Variants in IFT43 observed in about 807,000 individuals in gnomAD.
The protein encoded by IFT43 is intraflagellar transport 43, also known as intraflagellar transport protein 43 homolog.
Under a neutral mutation model 32.3 loss-of-function variants are expected in IFT43, and 33 were observed. That is an observed-to-expected ratio of 1.02 (90% CI 0.77 to 1.37). The LOEUF (loss-of-function observed/expected upper bound fraction) is 1.37, where lower values mean the gene tolerates loss of function less well. Ranked by LOEUF, IFT43 falls within the 40% of genes most tolerant of loss-of-function variation. IFT43 has a pLI of 0.00. For synonymous variants in IFT43, 93 were observed against 98.2 expected (o/e 0.95, Z 0.31); for missense variants, 274 against 265.9 (o/e 1.03, Z -0.21).
chr14:76,079,892 A>G (rs543031359), intron 5 of IFT43, among the ~76,000 whole-genome samples: 17 of 144,462 alleles, frequency 1.2e-4, no homozygotes, highest in African/African-American at 3.1e-4. Context: ...TCCTAAGTCT[A>G]TTTTCTTTTT....
chr14:76,057,511 G>A (rs955912816), intron 3 of IFT43, among the ~76,000 whole-genome samples: 3 of 151,508 alleles, frequency 2.0e-5, no homozygotes, highest in Non-Finnish European at 4.4e-5. Context: ...AATTACAGGC[G>A]TGAGCCACTG....
intron 5 of IFT43, chr14:76,059,754 T>C: frequency 3.1e-6 from 1 of 327,212 alleles, no homozygotes; most frequent in Non-Finnish European, 5.9e-6. Flanking sequence ...CCAAGCACTG[T>C]CCTTCCAGTT....
At chr14:76,037,929 G>A (rs1324677123) in intron 3 of IFT43, 1 of 152,234 alleles carries the variant, frequency 6.6e-6, no homozygotes, top group East Asian at 1.9e-4. Flanking sequence ...CTGGTAGGAC[G>A]AGGCAGCTCT....
chr14:76,037,684 ATT>A (rs2036626255), intron 3 of IFT43, among the ~76,000 whole-genome samples: 1 of 76,732 alleles, frequency 1.3e-5, no homozygotes, highest in Non-Finnish European at 2.6e-5. Context: ...CTTTTCCCTC[ATT>A]CTCTGTTTTT....
intron 5 of IFT43, chr14:76,076,768 G>A (rs773034166): frequency 6.6e-7 from 1 of 1,516,552 alleles, no homozygotes; most frequent in Admixed American, 1.7e-5. Context: ...GCATTTTAGT[G>A]TGCGCATGTG....
chr14:76,035,259 A>G (rs542627197), intron 3 of IFT43, among the ~76,000 whole-genome samples: 90 of 151,596 alleles, frequency 5.9e-4, no homozygotes, highest in Middle Eastern at 3.4e-3. Flanking sequence ...CTTTCTAACA[A>G]CTCCTCCTGA....
chr14:76,059,771 T>C (rs1201681933), intron 5 of IFT43, among the ~76,000 whole-genome samples: 2 of 152,346 alleles, frequency 1.3e-5, no homozygotes, highest in African/African-American at 2.4e-5. Flanking sequence ...AGTTTACACA[T>C]GTTAAAGCAT....
At chr14:75,988,998 A>C in intron 2 of IFT43, 21 bp downstream of exon 2, 1 of 1,613,072 alleles carries the variant, frequency 6.2e-7, no homozygotes, top group Non-Finnish European at 8.5e-7. Flanking sequence ...AAAAAAAAGA[A>C]AATCTGAAGA....
intron 3 of IFT43, among the ~76,000 whole-genome samples, chr14:76,032,380 A>G (rs1405804076): frequency 6.6e-6 from 1 of 152,316 alleles, no homozygotes; most frequent in South Asian, 2.1e-4. Flanking sequence ...TTTTACTTGT[A>G]TACTCAGAAC....
rs151124512 is a variant in IFT43 at position 76,077,773 on chromosome 14, C to T, written c.296-4522C>T. Among the ~76,000 whole-genome samples the T allele has an allele frequency of 1.7e-3, 264 of 152,314 alleles. 4 individuals carry two copies. In the South Asian group the frequency reaches 0.018, roughly 10 times the overall value. The stretch of plus-strand genomic sequence containing the variant: ...GGGATCTGGCATAGCCCAACCACAA[C>T]GTCCCGCCTTCAGTCTCTCCAGTGT... On this transcript the variant is annotated intron_variant, in intron 5 of 8. Coordinates refer to ENST00000314067, the MANE Select transcript of IFT43 (RefSeq NM_001102564.3).
intron 7 of IFT43, 73 bp from the exon 8 acceptor site, chr14:76,083,154 C>T (rs912102948): frequency 3.7e-5 from 57 of 1,545,268 alleles, no homozygotes; most frequent in African/African-American, 6.8e-5. Flanking sequence ...AAACTGATCC[C>T]GGTTTTGTGA....
chr14:76,020,318 C>A (rs1464183593), intron 2 of IFT43, among the ~76,000 whole-genome samples: 1 of 152,150 alleles, frequency 6.6e-6, no homozygotes, highest in African/African-American at 2.4e-5. Flanking sequence ...CACTGAGTTT[C>A]TTTAATATCA....
chr14:76,083,747 C>T, downstream of IFT43: 1 of 731,696 alleles, frequency 1.4e-6, no homozygotes, highest in Non-Finnish European at 2.4e-6. Flanking sequence ...GTGCCATCTC[C>T]TCCATTTCTT....
chr14:75,998,861 T>G (rs1167302284), intron 2 of IFT43, among the ~76,000 whole-genome samples: 1 of 152,072 alleles, frequency 6.6e-6, no homozygotes, highest in Non-Finnish European at 1.5e-5. Context: ...GCCTGCCGAG[T>G]AACTGGAACT....
chr14:76,080,663 C>T (rs1168154212), intron 5 of IFT43, among the ~76,000 whole-genome samples: 1 of 152,210 alleles, frequency 6.6e-6, no homozygotes, highest in East Asian at 1.9e-4. Context: ...CAGCCAGCTT[C>T]CTCTCTGTCC....
chr14:76,006,214 C>T (rs1440275345), intron 2 of IFT43, among the ~76,000 whole-genome samples: 4 of 152,162 alleles, frequency 2.6e-5, no homozygotes, highest in African/African-American at 9.7e-5. Flanking sequence ...CTGTGCTGAG[C>T]ACTAGGAAAG....
chr14:76,058,171 G>A (rs887734912), intron 3 of IFT43: 6 of 229,856 alleles, frequency 2.6e-5, no homozygotes, highest in Admixed American at 5.2e-5. Context: ...CTCGTCCTTC[G>A]TGTGAAGGGC....
At chr14:76,065,515 G>T (rs962670329) in intron 5 of IFT43, among the ~76,000 whole-genome samples, 7 of 151,950 alleles carry the variant, frequency 4.6e-5, no homozygotes, top group African/African-American at 1.5e-4. Flanking sequence ...TCTCTCCCTT[G>T]GCCTCAGAAA....
rs369750445 is a variant in IFT43 at position 75,990,185 on chromosome 14, G to A, written c.147+1208G>A. On this transcript the variant is annotated intron_variant, in intron 2 of 8. Coordinates refer to ENST00000314067, the MANE Select transcript of IFT43 (RefSeq NM_001102564.3). ...ACCACTACTTAGCCAAAGCTGGTTG[G>A]TGCTGTCGAGAATACAGGCCCAGTA... 1.2e-3 allele frequency among the ~76,000 whole-genome samples: 186 copies of A among 152,342 alleles called. 6 individuals are homozygous for A. In the South Asian group the frequency reaches 0.036, roughly 30 times the overall value.
Sources: gnomAD v4.1 joint callset for allele counts (sites outside exome capture counted in the v4.1 genomes callset) on GRCh38, gnomAD v4.1.1 for gene constraint, MANE v1.5 for transcripts, NCBI Gene and HGNC (gene_info 2026-07-23, HGNC 2026-07-21) for gene names.